ROBO1: variants seen among roughly 807,000 people sequenced by gnomAD.
The protein encoded by ROBO1 is roundabout guidance receptor 1, also known as roundabout homolog 1.
A neutral mutation model predicts 195.9 loss-of-function variants in ROBO1; 149 were observed. The ratio of observed to expected loss-of-function variants is 0.76; its 90% CI spans 0.67 to 0.87. The LOEUF is 0.87. ROBO1 is among the 40% of genes least tolerant of loss of function. The pLI is 0.00. For missense variants in ROBO1, 1,933 were observed against 2,068.3 expected (o/e 0.93, Z 1.27); for synonymous variants, 816 against 733.2 (o/e 1.11, Z -1.82).
intron 2 of ROBO1, among the ~76,000 whole-genome samples, chr3:79,161,979 T>C (rs571430484): frequency 6.6e-6 from 1 of 152,190 alleles, no homozygotes; most frequent in Non-Finnish European, 1.5e-5. Context: ...TCAGTCACCA[T>C]GGAGGTGACT....
At chr3:79,450,153 T>C (rs2039394632) in intron 2 of ROBO1, among the ~76,000 whole-genome samples, 1 of 150,668 alleles carries the variant, frequency 6.6e-6, no homozygotes, top group South Asian at 2.1e-4. Context: ...GGGGTAAGGA[T>C]AGGCATATGA....
intron 3 of ROBO1, among the ~76,000 whole-genome samples, chr3:79,051,757 C>T (rs781580264): frequency 2.0e-5 from 3 of 152,086 alleles, no homozygotes; most frequent in Non-Finnish European, 4.4e-5. Flanking sequence ...TTTATTAGTT[C>T]CCCAAATTAA....
chr3:79,653,157 T>C (rs543898624), intron 1 of ROBO1, among the ~76,000 whole-genome samples: 2 of 151,846 alleles, frequency 1.3e-5, no homozygotes, highest in African/African-American at 4.8e-5. Flanking sequence ...ACAAATGTTA[T>C]ATAAAATTAT....
chr3:79,301,871 C>A (rs1208824060), intron 2 of ROBO1, among the ~76,000 whole-genome samples: 1 of 152,092 alleles, frequency 6.6e-6, no homozygotes, highest in East Asian at 1.9e-4. Context: ...TTTCTGACCT[C>A]ATAAAATCAA....
At chr3:78,677,467 G>A (rs575443488) in intron 10 of ROBO1, among the ~76,000 whole-genome samples, 67 of 152,118 alleles carry the variant, frequency 4.4e-4, no homozygotes, top group African/African-American at 1.6e-3. Flanking sequence ...CAAAATAAAA[G>A]GATGGAGGAA....
At chr3:78,999,947 T>A (rs995696766) in intron 3 of ROBO1, among the ~76,000 whole-genome samples, 2 of 152,144 alleles carry the variant, frequency 1.3e-5, no homozygotes, top group Non-Finnish European at 1.5e-5. Context: ...AGGAAGTACA[T>A]TTTCCCTTCT....
chr3:78,651,701 T>C (rs1339709553), intron 19 of ROBO1, 31 bp downstream of exon 19: 2 of 1,486,976 alleles, frequency 1.3e-6, no homozygotes, highest in Non-Finnish European at 1.8e-6. Flanking sequence ...TTATAAACAT[T>C]AAAATATGAA....
chr3:79,351,404 CT>C (rs1272826449), intron 2 of ROBO1, among the ~76,000 whole-genome samples: 2 of 152,162 alleles, frequency 1.3e-5, no homozygotes, highest in Non-Finnish European at 2.9e-5. Context: ...TCAGATTTAA[CT>C]TGCCTATATA....
intron 3 of ROBO1, among the ~76,000 whole-genome samples, chr3:79,066,588 T>C (rs1467622819): frequency 6.6e-6 from 1 of 151,804 alleles, no homozygotes; most frequent in Non-Finnish European, 1.5e-5. Context: ...TTTAGATATT[T>C]AAAAAAATGC....
intron 3 of ROBO1, among the ~76,000 whole-genome samples, chr3:79,064,230 T>C (rs1414617584): frequency 6.6e-6 from 1 of 151,980 alleles, no homozygotes; most frequent in African/African-American, 2.4e-5. Context: ...ATATGCCAAT[T>C]GTACATTTAA....
intron 3 of ROBO1, among the ~76,000 whole-genome samples, chr3:79,012,812 A>G (rs2077817953): frequency 6.6e-6 from 1 of 152,196 alleles, no homozygotes; most frequent in East Asian, 1.9e-4. Context: ...AAAGCAAAGC[A>G]GTGGAGATCA....
In ROBO1 at chr3:79,224,287, G is replaced by C. The variant is rs139901287; in HGVS notation, c.89-98748C>G. Among the ~76,000 whole-genome samples the C allele has an allele frequency of 4.1e-4, 62 of 152,318 alleles. 1 individual carries two copies. In the East Asian group the frequency reaches 0.011, roughly 26 times the overall value. ...GTGGGATGTTGAGAAGTTAAGAATA[G>C]TGAAATAAAGCTTTACTCTCTTTAA... On this transcript the variant is annotated intron_variant, in intron 2 of 30. Transcript: ENST00000464233.
chr3:79,115,593 C>T (rs1213518983), intron 3 of ROBO1, among the ~76,000 whole-genome samples: 1 of 152,084 alleles, frequency 6.6e-6, no homozygotes, highest in Non-Finnish European at 1.5e-5. Context: ...AACTGAATGA[C>T]CACCAATACT....
At chr3:79,613,041 A>G (rs1560038288) in intron 1 of ROBO1, among the ~76,000 whole-genome samples, 1 of 151,898 alleles carries the variant, frequency 6.6e-6, no homozygotes, top group Admixed American at 6.6e-5. Flanking sequence ...AATTGACATA[A>G]TTTTACTATT....
At chr3:79,268,010 T>C (rs532301304) in intron 2 of ROBO1, among the ~76,000 whole-genome samples, 46 of 151,758 alleles carry the variant, frequency 3.0e-4, no homozygotes, top group Admixed American at 1.5e-3. Flanking sequence ...AGGAGAATGA[T>C]GTATTTCTAG....
In ROBO1 at chr3:78,680,519, G is replaced by A. The variant is rs911445687; in HGVS notation, c.1342+5227C>T. On this transcript the variant is annotated intron_variant, in intron 10 of 30. Transcript: ENST00000464233. ...CAAACAACCCCATCAAAAAGTGGGC[G>A]AAGGACATGAACAGACACTTCTCAA... is the stretch of plus-strand genomic sequence containing the variant. Among the ~76,000 whole-genome samples the A allele has an allele frequency of 9.7e-3, 1,472 of 151,994 alleles. 23 individuals are homozygous for A. The highest frequency in any genetic ancestry group is 0.033 in the African/African-American group (1,379 of 41,406).
chr3:79,023,932 G>A (rs1042861290), intron 3 of ROBO1, among the ~76,000 whole-genome samples: 9 of 149,818 alleles, frequency 6.0e-5, no homozygotes, highest in Admixed American at 1.3e-4. Context: ...GGCTGGTCTC[G>A]AACTCCTGAC....
rs143779278 is a variant in ROBO1 at position 79,354,813 on chromosome 3, A to C, written c.89-229274T>G. Among the ~76,000 whole-genome samples the C allele has an allele frequency of 2.6e-3, 392 of 152,326 alleles. 2 individuals carry two copies. The highest frequency in any genetic ancestry group is 8.8e-3 in the African/African-American group (367 of 41,574). On this transcript the variant is annotated intron_variant, in intron 2 of 30. Coordinates refer to ENST00000464233, the MANE Select transcript of ROBO1 (RefSeq NM_002941.4). The stretch of plus-strand genomic sequence containing the variant: ...CTTAAAGCTTTTAATAACAGAAAAA[A>C]TAATAACACGTCAAGCCTAGAGATG...
At chr3:79,213,192 C>A (rs2081996735) in intron 2 of ROBO1, among the ~76,000 whole-genome samples, 1 of 151,830 alleles carries the variant, frequency 6.6e-6, no homozygotes, top group South Asian at 2.1e-4. Context: ...TTGCAGTGAG[C>A]TGAGATCATG....
Sources: gnomAD v4.1 joint callset for allele counts (sites outside exome capture counted in the v4.1 genomes callset) on GRCh38, gnomAD v4.1.1 for gene constraint, MANE v1.5 for transcripts, NCBI Gene and HGNC (gene_info 2026-07-23, HGNC 2026-07-21) for gene names.